PIGG: variants seen among roughly 807,000 people sequenced by gnomAD.
PIGG encodes the protein GPI ethanolamine phosphate transferase 2, catalytic subunit.
A neutral mutation model predicts 83.2 loss-of-function variants in PIGG; 70 were observed. The observed-to-expected ratio is 0.84, with a 90% CI of 0.69 to 1.03. The LOEUF (loss-of-function observed/expected upper bound fraction) is 1.03, where lower values mean the gene tolerates loss of function less well. PIGG is among the 50% of genes least tolerant of loss of function. PIGG has a pLI of 0.00. For synonymous variants in PIGG, 532 were observed against 519.5 expected, an observed-to-expected ratio of 1.02 and a Z score of -0.33; for missense variants, 1,257 against 1,233.6, an observed-to-expected ratio of 1.02 and a Z score of -0.28.
In PIGG at chr4:521,186, T is replaced by C. The variant is rs1310185174; in HGVS notation, c.1245T>C (p.Ala415=). Residue 415 remains alanine (A), a synonymous_variant, in exon 7 of 13, where the codon GCT becomes GCC. Transcript: ENST00000453061. Reference sequence around the variant, plus strand: ...AGGTTCTCAGGCAGTACCTGGATGCTCTGAAGACGCTGAGCTTGTCCCTGA... The same window carrying C: ...AGGTTCTCAGGCAGTACCTGGATGCCCTGAAGACGCTGAGCTTGTCCCTGA... ...GSKVLRQYLD[A]LKTLSLSLSA... 1.2e-6 allele frequency: 2 copies of C among 1,614,140 alleles called. No homozygotes were observed. Among genetic ancestry groups the C allele is most frequent in the Middle Eastern group, 1.6e-4 (1 of 6,062 alleles).
chr4:518,574 C>G (rs1724716708), intron 6 of PIGG, among the ~76,000 whole-genome samples: 1 of 152,204 alleles, frequency 6.6e-6, no homozygotes, highest in Admixed American at 6.5e-5. Context: ...GCCTGGGTGA[C>G]AGAGCGAGAC....
intron 3 of PIGG, 57 bp from the exon 4 acceptor site, chr4:507,348 G>T: frequency 7.4e-7 from 1 of 1,351,558 alleles, no homozygotes; most frequent in Non-Finnish European, 1.0e-6. Flanking sequence ...TTTCCCCGGG[G>T]AGTGAAGATC....
chr4:505,778 G>T lies in PIGG; in HGVS notation c.421G>T (p.Ala141Ser). The T allele has an allele frequency of 6.2e-7, 1 of 1,613,620 alleles. No individual in the cohort carries two copies. Among genetic ancestry groups the T allele is most frequent in the South Asian group, 1.1e-5 (1 of 91,038 alleles). ...CGTCATCAGGAACCTCAATTCTCCT[G>T]CACTGCTGGAAGACAGTGTGATAAG... is the stretch of plus-strand genomic sequence containing the variant. Reference protein sequence around the residue: ...VDVIRNLNSPALLEDSVIRQA... With the variant: ...VDVIRNLNSPSLLEDSVIRQA... Residue 141 changes from alanine to serine, a missense_variant, in exon 3 of 13, where the codon GCA (alanine) becomes TCA (serine). By Grantham distance (99) the Ala-to-Ser change is moderately conservative (BLOSUM62 1). Transcript: ENST00000453061.
intron 3 of PIGG, among the ~76,000 whole-genome samples, chr4:507,031 T>C (rs1397461410): frequency 6.6e-6 from 1 of 152,226 alleles, no homozygotes; most frequent in Non-Finnish European, 1.5e-5. Context: ...TCATTTAAAT[T>C]ATCTGTAGAA....
intron 9 of PIGG, chr4:525,237 A>G (rs1258677880): frequency 1.1e-5 from 11 of 985,352 alleles, no homozygotes; most frequent in Non-Finnish European, 1.3e-5. Flanking sequence ...AAAACCACCT[A>G]GAAAGTATAG....
Position 521,161 on chromosome 4 carries a change from A to T in PIGG, c.1220A>T (p.Lys407Met). The change falls in exon 7 of 13, where the codon AAG becomes ATG. Residue 407 changes from lysine (K) to methionine (M), a missense_variant. By Grantham distance (95) the Lys-to-Met change is moderately conservative. Coordinates refer to ENST00000453061, the MANE Select transcript of PIGG (RefSeq NM_001127178.3). ...HSEVLFNLGS[K>M]VLRQYLDALK... ...GAAGTCCTATTCAACCTGGGCTCCA[A>T]GGTTCTCAGGCAGTACCTGGATGCT... 1 of 1,614,110 alleles carries T rather than the reference A, an allele frequency of 6.2e-7. No individual in the cohort carries two copies. The highest frequency in any genetic ancestry group is 8.5e-7 in the Non-Finnish European group (1 of 1,179,974).
At chr4:502,197 G>T (rs1717992708) in intron 2 of PIGG, 1 of 152,250 alleles carries the variant, frequency 6.6e-6, no homozygotes, top group Non-Finnish European at 1.5e-5. Flanking sequence ...CGTTGGCACT[G>T]TGGTTCTTGG....
chr4:533,590 C>T (rs1007566709), intron 11 of PIGG: 27 of 568,806 alleles, frequency 4.7e-5, no homozygotes, highest in Non-Finnish European at 6.6e-5. Context: ...CGTGCCCTTC[C>T]GCAGCCTGGG....
intron 12 of PIGG, among the ~76,000 whole-genome samples, chr4:537,563 G>A (rs945408709): frequency 1.3e-5 from 2 of 152,298 alleles, no homozygotes; most frequent in South Asian, 4.1e-4. Context: ...CCTCCCTGTG[G>A]GGTCCCCGGC....
chr4:504,066 A>T (rs1017451106), intron 2 of PIGG, among the ~76,000 whole-genome samples: 8 of 152,192 alleles, frequency 5.3e-5, no homozygotes, highest in African/African-American at 1.9e-4. Context: ...CCTCAGCTCA[A>T]TTCTGGCCCC....
intron 2 of PIGG, chr4:502,379 A>G (rs1718064382): frequency 6.6e-6 from 1 of 152,090 alleles, no homozygotes; most frequent in Non-Finnish European, 1.5e-5. Context: ...ACAGCTCTGG[A>G]GTTTGGTAGG....
At chr4:509,014 T>C (rs1553881661) in intron 5 of PIGG, 44 bp downstream of exon 5, 1 of 1,547,598 alleles carries the variant, frequency 6.5e-7, no homozygotes, top group Admixed American at 1.8e-5. Flanking sequence ...GTATTACATT[T>C]GTTTTCTATA....
At chr4:533,771 A>G in intron 11 of PIGG, 47 bp from the exon 12 acceptor site, 1 of 1,577,014 alleles carries the variant, frequency 6.3e-7, no homozygotes, top group South Asian at 1.1e-5. Context: ...GTGGCTGTTG[A>G]TGCCACGTGT....
chr4:516,854 CAAAAAAAAAAAA>C (rs1178401194), intron 6 of PIGG, among the ~76,000 whole-genome samples: 5 of 46,510 alleles, frequency 1.1e-4, no homozygotes, highest in Non-Finnish European at 2.0e-4. Flanking sequence ...GACTCTGCCT[CAAAAAAAAAAAA>C]AAAAAAAAAA....
chr4:517,054 G>GGCAGA (rs936971618), intron 6 of PIGG, among the ~76,000 whole-genome samples: 8 of 152,014 alleles, frequency 5.3e-5, no homozygotes, highest in Non-Finnish European at 1.5e-5. Context: ...GCAAGGGCAG[G>GGCAGA]GCAGAGGAGA....
chr4:521,755 T>G lies in PIGG; in HGVS notation c.1428T>G (p.Phe476Leu), dbSNP rs766083746. Residue 476 changes from phenylalanine to leucine, a missense_variant, in exon 8 of 13, where the codon TTT (phenylalanine) becomes TTG (leucine). Transcript: ENST00000453061. ...PLSSPGFSLL[F>L]YLVILVLSAV... The stretch of plus-strand genomic sequence containing the variant: ...CATCTCCTGGGTTTTCTCTGCTCTT[T>G]TATTTGGTGATCCTGGTTCTTTCGG... The G allele has an allele frequency of 6.2e-7, 1 of 1,614,202 alleles. No homozygotes were observed. The highest frequency in any genetic ancestry group is 1.1e-5 in the South Asian group (1 of 91,086).
rs138120585 is a variant in PIGG at position 530,770 on chromosome 4, T to C, written c.2571+25T>C. 50 of 1,402,016 alleles carry C rather than the reference T, an allele frequency of 3.6e-5. No individual in the cohort carries two copies. The African/African-American group carries it at 6.1e-4, about 17-fold the overall frequency. 86.8% of individuals were successfully genotyped at this position (1,402,016 alleles called of 1,614,324 possible). A position where few individuals can be genotyped will look rare whatever the true frequency, so the allele number is the denominator to read the frequency against. ...GGTAGGTTTTCATTATTATCATGGG[T>C]AGTAGACTTCATGTTTTACATATTT... On this transcript the variant is annotated intron_variant, in intron 11 of 12. Transcript: ENST00000453061.
At chr4:529,536 G>A (rs1187640754) in intron 10 of PIGG, among the ~76,000 whole-genome samples, 1 of 144,776 alleles carries the variant, frequency 6.9e-6, no homozygotes, top group Non-Finnish European at 1.5e-5. Context: ...TAAAAATTAC[G>A]ATTATTTTAA....
chr4:517,788 A>G (rs538735638), intron 6 of PIGG, among the ~76,000 whole-genome samples: 6 of 149,448 alleles, frequency 4.0e-5, no homozygotes, highest in African/African-American at 1.5e-4. Context: ...AGACAGCTAC[A>G]GGAAGGGTCC....
Sources: gnomAD v4.1 joint callset for allele counts (sites outside exome capture counted in the v4.1 genomes callset) on GRCh38, gnomAD v4.1.1 for gene constraint, MANE v1.5 for transcripts, NCBI Gene and HGNC (gene_info 2026-07-23, HGNC 2026-07-21) for gene names.